EIF3A: variants seen among roughly 807,000 people sequenced by gnomAD.
EIF3A encodes the protein eukaryotic translation initiation factor 3 subunit A.
EIF3A carries 21 observed loss-of-function variants against 186.6 expected under a neutral mutation model. The ratio of observed to expected loss-of-function variants is 0.11; its 90% CI spans 0.08 to 0.16. The LOEUF is 0.16. Among genes scored for constraint, EIF3A ranks in the 10% least tolerant of loss-of-function variants. The pLI, the probability that EIF3A is intolerant of heterozygous loss-of-function variation, is 1.00. For missense variants in EIF3A, 1,306 were observed against 1,796.3 expected (o/e 0.73, Z 4.93); for synonymous variants, 563 against 584.3 (o/e 0.96, Z 0.52).
chr10:119,076,984 A>G (rs1282571282), intron 1 of EIF3A, among the ~76,000 whole-genome samples: 1 of 151,056 alleles, frequency 6.6e-6, no homozygotes, highest in East Asian at 1.9e-4. Context: ...GGCGTTCTTC[A>G]TAACTAACAA....
intron 5 of EIF3A, among the ~76,000 whole-genome samples, chr10:119,070,316 G>A (rs1264624310): frequency 6.6e-6 from 1 of 152,190 alleles, no homozygotes; most frequent in Non-Finnish European, 1.5e-5. Flanking sequence ...GATCTCCAAT[G>A]CAAGACAGGC....
chr10:119,076,592 C>G (rs1356088439), intron 1 of EIF3A, among the ~76,000 whole-genome samples: 1 of 151,934 alleles, frequency 6.6e-6, no homozygotes, highest in Non-Finnish European at 1.5e-5. Context: ...AGGGAAAAAA[C>G]TTGCAGTCTT....
In EIF3A at chr10:119,036,209, G is replaced by C. The variant is rs141499066; in HGVS notation, c.3979C>G (p.Pro1327Ala). The C allele has an allele frequency of 6.2e-7, 1 of 1,613,706 alleles. No individual in the cohort carries two copies. Among genetic ancestry groups the C allele is most frequent in the Non-Finnish European group, 8.5e-7 (1 of 1,179,984 alleles). Residue 1327 changes from proline to alanine, a missense_variant, in exon 22 of 22, where the codon CCT becomes GCT. Pro to Ala is a conservative substitution (Grantham distance 27, BLOSUM62 -1). Transcript: ENST00000369144. Reference sequence around the variant, plus strand: ...AGAGCTGGGGGAGGAACTCGACGAGGAGGGTCCCGCTCTTCCACCCGGTCA... The same window carrying C: ...AGAGCTGGGGGAGGAACTCGACGAGCAGGGTCCCGCTCTTCCACCCGGTCA... ...KDDRVEERDP[P>A]RRVPPPALSR...
intron 4 of EIF3A, among the ~76,000 whole-genome samples, chr10:119,071,439 T>C (rs974687510): frequency 5.9e-5 from 9 of 152,192 alleles, no homozygotes; most frequent in African/African-American, 2.2e-4. Flanking sequence ...CTTTGATATC[T>C]AACTTACATA....
At chr10:119,057,756 C>A (rs1455287557) in intron 12 of EIF3A, among the ~76,000 whole-genome samples, 200 bp downstream of exon 12, 1 of 152,034 alleles carries the variant, frequency 6.6e-6, no homozygotes, top group African/African-American at 2.4e-5. Flanking sequence ...GCCTGGGCGA[C>A]AAGATAATAC....
chr10:119,050,633 C>A lies in EIF3A; in HGVS notation c.2361G>T (p.Arg787Ser), dbSNP rs577816783. The change falls in exon 16 of 22, where the codon AGG (arginine) becomes AGT (serine). Residue 787 changes from arginine (R) to serine (S), a missense_variant. Physicochemically the swap from Arg to Ser is moderately radical, Grantham distance 110. Coordinates refer to ENST00000369144, the MANE Select transcript of EIF3A (RefSeq NM_003750.4). Reference sequence around the variant, plus strand: ...TTTTCCGTTCTTCCAATCGATTATGCCTTTCTTCTGCTAATCGCTCTTCAA... The same window carrying A: ...TTTTCCGTTCTTCCAATCGATTATGACTTTCTTCTGCTAATCGCTCTTCAA... ...KQFEERLAEE[R>S]HNRLEERKRQ... is the part of the protein sequence containing the mutation. 1 of 1,614,092 alleles carries A rather than the reference C, an allele frequency of 6.2e-7. No homozygotes were observed. The highest frequency in any genetic ancestry group is 1.1e-5 in the South Asian group (1 of 91,078).
chr10:119,057,315 T>C (rs1843797263), intron 12 of EIF3A, among the ~76,000 whole-genome samples: 1 of 152,178 alleles, frequency 6.6e-6, no homozygotes, highest in Non-Finnish European at 1.5e-5. Flanking sequence ...AAATCTGAAA[T>C]GCTCCCAATT....
intron 16 of EIF3A, 21 bp downstream of exon 16, chr10:119,050,500 A>C (rs1848342244): frequency 6.2e-7 from 1 of 1,610,312 alleles, no homozygotes; most frequent in African/African-American, 1.3e-5. Flanking sequence ...GCACCCCTCC[A>C]ATCCTGTTTG....
At chr10:119,054,879 A>C (rs1848403043) in intron 14 of EIF3A, among the ~76,000 whole-genome samples, 1 of 152,188 alleles carries the variant, frequency 6.6e-6, no homozygotes, top group African/African-American at 2.4e-5. Flanking sequence ...AACACTTAAA[A>C]GCCATTGTGG....
rs1484391111 is a variant in EIF3A at position 119,037,127 on chromosome 10, C to T, written c.3911G>A (p.Arg1304His). ...DRRGPPLRSE[R>H]EEVSSWRRAD... ...GTATGTAACCTCTATACCTTCTTCA[C>T]GTTCTGATCTGAGTGGAGGTCCTCT... Residue 1304 changes from arginine to histidine, a missense_variant, in exon 21 of 22, where the codon CGT becomes CAT. Coordinates refer to ENST00000369144, the MANE Select transcript of EIF3A (RefSeq NM_003750.4). 6 of 1,390,184 alleles carry T rather than the reference C, an allele frequency of 4.3e-6. No individual in the cohort carries two copies. The highest frequency in any genetic ancestry group is 5.8e-6 in the Non-Finnish European group (6 of 1,038,656). The allele number at this position is 1,390,184 out of a possible 1,614,324, so 86.1% of individuals were successfully genotyped here. A position where few individuals can be genotyped will look rare whatever the true frequency, so the allele number is the denominator to read the frequency against.
chr10:119,039,530 G>A (rs768645482), intron 19 of EIF3A, among the ~76,000 whole-genome samples: 11 of 152,008 alleles, frequency 7.2e-5, no homozygotes, highest in Non-Finnish European at 1.5e-4. Flanking sequence ...AAATTAGCTG[G>A]GCTTGGTGGT....
intron 7 of EIF3A, among the ~76,000 whole-genome samples, chr10:119,063,877 G>A (rs992598032): frequency 4.6e-5 from 7 of 152,210 alleles, no homozygotes. Flanking sequence ...GAGGCCAGGA[G>A]TTCACGACCA....
rs751698823 is a variant in EIF3A at position 119,042,041 on chromosome 10, C to T, written c.3479G>A (p.Arg1160Gln). ...AGGACCAGGTCTTGAGTCATCACCC[C>T]GTCTGGGAAACCGATCATCATCAGC... ...RRADDDRFPR[R>Q]GDDSRPGPWR... The change falls in exon 19 of 22, where the codon CGG becomes CAG. Residue 1160 changes from arginine to glutamine, a missense_variant. By Grantham distance (43) the Arg-to-Gln change is conservative. This residue lies in a region of EIF3A where 331 missense variants were observed against 365.8 expected (regional missense o/e 0.90). Coordinates refer to ENST00000369144, the MANE Select transcript of EIF3A (RefSeq NM_003750.4). The surrounding 1 kb of genome is among the most constrained non-coding windows in gnomAD (Gnocchi z 7.8). 9 of 1,614,018 alleles carry T rather than the reference C, an allele frequency of 5.6e-6. No individual in the cohort carries two copies. Among genetic ancestry groups the T allele is most frequent in the Non-Finnish European group, 7.6e-6 (9 of 1,180,004 alleles).
chr10:119,072,787 T>A (rs766489999), intron 4 of EIF3A, 103 bp downstream of exon 4: 2 of 1,387,530 alleles, frequency 1.4e-6, no homozygotes, highest in Non-Finnish European at 1.9e-6. Flanking sequence ...AATGCCAACA[T>A]TTCAATAAGG....
chr10:119,066,487 G>A (rs1246218539), intron 6 of EIF3A, among the ~76,000 whole-genome samples: 1 of 123,440 alleles, frequency 8.1e-6, no homozygotes, highest in East Asian at 2.6e-4. Context: ...CCAGCCTGGG[G>A]GGCAGAGTTA....
intron 19 of EIF3A, among the ~76,000 whole-genome samples, chr10:119,039,056 T>C (rs1027735628): frequency 1.3e-5 from 2 of 152,212 alleles, no homozygotes; most frequent in Non-Finnish European, 2.9e-5. Context: ...ATAGTATCTG[T>C]TCTGATGTTA....
chr10:119,068,717 T>C (rs1381931451), intron 6 of EIF3A, among the ~76,000 whole-genome samples: 1 of 151,938 alleles, frequency 6.6e-6, no homozygotes, highest in African/African-American at 2.4e-5. Context: ...GGCTCACTCC[T>C]GTAATCCCAG....
chr10:119,037,842 A>G (rs1848154173), intron 20 of EIF3A, among the ~76,000 whole-genome samples: 1 of 151,968 alleles, frequency 6.6e-6, no homozygotes. Flanking sequence ...TCCAATGCCC[A>G]ACGGGTCACA....
chr10:119,049,807 A>G lies in EIF3A; in HGVS notation c.2652T>C (p.Ser884=). Residue 884 remains serine (S), a synonymous_variant, in exon 17 of 22, where the codon TCT becomes TCC. Coordinates refer to ENST00000369144, the MANE Select transcript of EIF3A (RefSeq NM_003750.4). ...EERRLGDSSL[S]RKDSRWGDRD... is the part of the protein sequence containing the mutation. Reference sequence around the variant, plus strand: ...CAATAAACCCTATACTCACCTTTCTAGAAAGGGAACTATCGCCAAGTCTTC... The same window carrying G: ...CAATAAACCCTATACTCACCTTTCTGGAAAGGGAACTATCGCCAAGTCTTC... 6.2e-7 allele frequency: 1 copy of G among 1,613,312 alleles called. No individual in the cohort carries two copies. The highest frequency in any genetic ancestry group is 1.3e-5 in the African/African-American group (1 of 74,920).
Sources: gnomAD v4.1 joint callset for allele counts (sites outside exome capture counted in the v4.1 genomes callset) on GRCh38, gnomAD v4.1.1 for gene constraint, gnomAD v4.1.1 regional missense constraint, Gnocchi (gnomAD v3.1) non-coding constraint, MANE v1.5 for transcripts, NCBI Gene and HGNC (gene_info 2026-07-23, HGNC 2026-07-21) for gene names.